FAM124A: variants seen among roughly 807,000 people sequenced by gnomAD.
FAM124A encodes family with sequence similarity 124 member A, also known as protein FAM124A.
In FAM124A, 23 loss-of-function variants were observed where a neutral mutation model predicts 24.5. The ratio of observed to expected loss-of-function variants is 0.94; its 90% confidence interval spans 0.68 to 1.33. The LOEUF is 1.33. Ranked by LOEUF, FAM124A falls within the 40% of genes most tolerant of loss-of-function variation. The pLI is 0.00. For synonymous variants in FAM124A, 287 were observed against 314.7 expected (o/e 0.91, Z 0.93); for missense variants, 623 against 722.8 (o/e 0.86, Z 1.58).
chr13:51,231,525 C>A (rs1282573500), intron 2 of FAM124A, 146 bp downstream of exon 2: 16 of 817,864 alleles, frequency 2.0e-5, no homozygotes, highest in Non-Finnish European at 2.8e-5. Context: ...GATGCTGTAA[C>A]TCTGGAAGTG....
intron 2 of FAM124A, among the ~76,000 whole-genome samples, chr13:51,239,890 G>A (rs1031084882): frequency 7.2e-5 from 11 of 152,142 alleles, no homozygotes; most frequent in African/African-American, 1.9e-4. Flanking sequence ...CTATGGAGTC[G>A]GTTATAAACG....
chr13:51,222,579 G>A lies in FAM124A; in HGVS notation c.68+10G>A, dbSNP rs1200180512. On this transcript the variant is annotated intron_variant, in intron 1 of 3. Transcript: ENST00000322475. ...GCGCCGAGACCGGAGGGTGAGCCGCGCCGGGCCGGGCCGCGGGCGGGGGGC... is the reference window on the plus strand; with the variant it reads ...GCGCCGAGACCGGAGGGTGAGCCGCACCGGGCCGGGCCGCGGGCGGGGGGC... 31 of 1,222,280 alleles carry A rather than the reference G, an allele frequency of 2.5e-5. No homozygotes were observed. The highest frequency in any genetic ancestry group is 3.2e-5 in the Non-Finnish European group (31 of 982,882). The allele number at this position is 1,222,280 out of a possible 1,614,324, so 75.7% of individuals were successfully genotyped here.
chr13:51,240,651 G>A (rs905085148), intron 2 of FAM124A, among the ~76,000 whole-genome samples: 6 of 152,190 alleles, frequency 3.9e-5, no homozygotes, highest in Non-Finnish European at 5.9e-5. Flanking sequence ...ATTATAACAC[G>A]TTCTGCTCTT....
chr13:51,280,249 T>C (rs1954922361), intron 3 of FAM124A, among the ~76,000 whole-genome samples: 1 of 152,178 alleles, frequency 6.6e-6, no homozygotes, highest in Non-Finnish European at 1.5e-5. Context: ...CGGAGATGGC[T>C]CCTCAGACTG....
chr13:51,262,044 G>A (rs1269470547), intron 3 of FAM124A, among the ~76,000 whole-genome samples: 1 of 152,236 alleles, frequency 6.6e-6, no homozygotes, highest in Admixed American at 6.5e-5. Flanking sequence ...TGTGGCTTTG[G>A]AGGGACACCC....
At chr13:51,258,000 G>T (rs984516229) in intron 3 of FAM124A, among the ~76,000 whole-genome samples, 3 of 152,192 alleles carry the variant, frequency 2.0e-5, no homozygotes, top group South Asian at 2.1e-4. Flanking sequence ...GCATCAGCAG[G>T]GTTGGTTCCT....
At chr13:51,244,961 C>T (rs1954541118) in intron 2 of FAM124A, among the ~76,000 whole-genome samples, 2 of 152,222 alleles carry the variant, frequency 1.3e-5, no homozygotes, top group Admixed American at 6.5e-5. Flanking sequence ...AGTGAAGTGG[C>T]ATCGTTCATC....
At chr13:51,263,431 G>A (rs1224120206) in intron 3 of FAM124A, among the ~76,000 whole-genome samples, 1 of 152,212 alleles carries the variant, frequency 6.6e-6, no homozygotes, top group Non-Finnish European at 1.5e-5. Context: ...CCAGGGACAA[G>A]AGCATTCCAC....
At chr13:51,254,526 T>G (rs1366890379) in intron 3 of FAM124A, among the ~76,000 whole-genome samples, 2 of 152,190 alleles carry the variant, frequency 1.3e-5, no homozygotes, top group Admixed American at 6.5e-5. Context: ...CATTGCCTGA[T>G]TCATGGGGGT....
intron 1 of FAM124A, among the ~76,000 whole-genome samples, chr13:51,226,019 A>C (rs1593582575): frequency 1.8e-5 from 2 of 109,370 alleles, no homozygotes; most frequent in East Asian, 2.8e-4. Context: ...TTTAACAGAC[A>C]GGTCTCTCTG....
chr13:51,232,639 G>A (rs1954390358), intron 2 of FAM124A, among the ~76,000 whole-genome samples: 1 of 152,176 alleles, frequency 6.6e-6, no homozygotes, highest in Non-Finnish European at 1.5e-5. Context: ...AAGAACCTTA[G>A]TAATAATGAG....
chr13:51,231,851 T>C (rs1214962658), intron 2 of FAM124A, among the ~76,000 whole-genome samples: 1 of 152,218 alleles, frequency 6.6e-6, no homozygotes, highest in Non-Finnish European at 1.5e-5. Flanking sequence ...TCCTGCGAAG[T>C]GTGTTAACAG....
intron 3 of FAM124A, among the ~76,000 whole-genome samples, chr13:51,254,003 A>G (rs1954652012): frequency 6.6e-6 from 1 of 152,216 alleles, no homozygotes; most frequent in Admixed American, 6.5e-5. Flanking sequence ...ATCAGTGCAG[A>G]TAGCTAGCAT....
intron 1 of FAM124A, among the ~76,000 whole-genome samples, chr13:51,228,642 T>C (rs984120058): frequency 6.6e-6 from 1 of 152,180 alleles, no homozygotes; most frequent in African/African-American, 2.4e-5. Flanking sequence ...TACAGACTTG[T>C]CCAGAGAACC....
chr13:51,232,705 A>T (rs1393307368), intron 2 of FAM124A, among the ~76,000 whole-genome samples: 5 of 152,254 alleles, frequency 3.3e-5, no homozygotes, highest in African/African-American at 1.2e-4. Flanking sequence ...TCCTAAAACC[A>T]GAGAAAGCTC....
chr13:51,279,405 C>T (rs1954914284), intron 3 of FAM124A, among the ~76,000 whole-genome samples: 1 of 152,160 alleles, frequency 6.6e-6, no homozygotes, highest in African/African-American at 2.4e-5. Flanking sequence ...CCAGTCAGAA[C>T]CCTTTTCTTA....
chr13:51,231,784 A>G (rs535085076), intron 2 of FAM124A, among the ~76,000 whole-genome samples: 12 of 152,368 alleles, frequency 7.9e-5, no homozygotes, highest in Non-Finnish European at 1.5e-4. Context: ...GCATGTCTGC[A>G]TCTGCAGGCA....
chr13:51,240,308 A>G (rs1954477632), intron 2 of FAM124A, among the ~76,000 whole-genome samples: 1 of 152,220 alleles, frequency 6.6e-6, no homozygotes, highest in Non-Finnish European at 1.5e-5. Context: ...GAAGGGAAGG[A>G]ATGTTCCACA....
rs183303985 is a variant in FAM124A, at chr13:51,263,217, C to T, written c.834+11016C>T. Reference sequence around the variant, plus strand: ...CGTCCATCTGCTCCTGAAAAGCCCACGCTGGCCTGCCTGCCATAATGCCAG... The same window carrying T: ...CGTCCATCTGCTCCTGAAAAGCCCATGCTGGCCTGCCTGCCATAATGCCAG... On this transcript the variant is annotated intron_variant, in intron 3 of 3. Transcript: ENST00000322475. 9.8e-5 allele frequency among the ~76,000 whole-genome samples: 15 copies of T among 152,362 alleles called. No individual in the cohort carries two copies. In the East Asian group the frequency reaches 2.3e-3, roughly 24 times the overall value.
Sources: allele counts gnomAD v4.1 joint callset (sites outside exome capture counted in the v4.1 genomes callset), GRCh38; gene constraint gnomAD v4.1.1; transcripts MANE v1.5; gene names NCBI Gene and HGNC (gene_info 2026-07-23, HGNC 2026-07-21).